The following IMMT variants were observed in gnomAD, a reference collection of about 807,000 sequenced individuals.
IMMT encodes inner membrane mitochondrial protein.
IMMT carries 40 observed loss-of-function variants against 92.7 expected under a neutral mutation model. That is an observed-to-expected ratio of 0.43 (90% CI 0.34 to 0.56). The LOEUF (loss-of-function observed/expected upper bound fraction) is 0.56. Ranked by LOEUF, IMMT falls within the 20% of genes least tolerant of loss-of-function variation. IMMT has a pLI of 0.03. For synonymous variants in IMMT, 322 were observed against 336.1 expected (o/e 0.96, Z 0.46); for missense variants, 831 against 912.1 (o/e 0.91, Z 1.14).
chr2:86,166,958 C>T (rs913005782), intron 6 of IMMT, among the ~76,000 whole-genome samples: 1 of 151,132 alleles, frequency 6.6e-6, no homozygotes, highest in African/African-American at 2.4e-5. Flanking sequence ...ATTAGCCAGG[C>T]ATGGTGGCGG....
chr2:86,154,593 C>T (rs895964074), intron 10 of IMMT, among the ~76,000 whole-genome samples: 1 of 152,204 alleles, frequency 6.6e-6, no homozygotes. Context: ...CCTCTCTTAA[C>T]ATTTCAGATA....
chr2:86,172,234 TG>T (rs1255013855), intron 4 of IMMT, among the ~76,000 whole-genome samples: 1 of 152,154 alleles, frequency 6.6e-6, no homozygotes, highest in East Asian at 1.9e-4. Flanking sequence ...CCTCCCAAAG[TG>T]CTGGGATTAC....
chr2:86,162,020 G>A lies in IMMT; in HGVS notation c.852C>T (p.Arg284=). ...WRTVEGALKE[R]RKAVDEAADA... is the part of the protein sequence containing the mutation. ...CGGCAGCTTCATCTACTGCCTTTCT[G>A]CGTTCCTTCAATGCACCCTCCACTG... Residue 284 remains arginine (R), a synonymous_variant, in exon 8 of 15, where the codon CGC becomes CGT. Transcript: ENST00000410111. The A allele has an allele frequency of 3.1e-6, 5 of 1,607,392 alleles. No homozygotes were observed. Among genetic ancestry groups the A allele is most frequent in the African/African-American group, 1.3e-5 (1 of 74,900 alleles).
chr2:86,166,474 A>C, intron 7 of IMMT, 34 bp downstream of exon 7: 3 of 1,574,634 alleles, frequency 1.9e-6, no homozygotes, highest in Non-Finnish European at 2.6e-6. Flanking sequence ...AAGTCATGAC[A>C]GCCAGAACAC....
Position 86,151,568 on chromosome 2 carries a change from A to G in IMMT, c.1178-48T>C, listed in dbSNP as rs773625863. ...ATATTAATGATGTCACTGAAATTAT[A>G]CCTCATTACAAGGTAATCTGCATCA... is the stretch of plus-strand genomic sequence containing the variant. On this transcript the variant is annotated intron_variant, in intron 11 of 14. Coordinates refer to ENST00000410111, the MANE Select transcript of IMMT (RefSeq NM_006839.3). 8.9e-6 allele frequency: 12 copies of G among 1,343,626 alleles called. No individual in the cohort carries two copies. In the African/African-American group the frequency reaches 1.7e-4, roughly 19 times the overall value. The allele number at this position is 1,343,626 out of a possible 1,614,324, so 83.2% of individuals were successfully genotyped here.
intron 8 of IMMT, 143 bp from the exon 9 acceptor site, chr2:86,159,814 G>T: frequency 1.8e-6 from 1 of 566,838 alleles, no homozygotes; most frequent in Non-Finnish European, 2.8e-6. Flanking sequence ...CAGCACTTTG[G>T]AGGCCAAGGC....
Position 86,159,364 on chromosome 2 carries a change from T to C in IMMT, c.1032+172A>G, listed in dbSNP as rs1297464193. 4.4e-6 allele frequency: 3 copies of C among 685,400 alleles called. No individual in the cohort carries two copies. In the Admixed American group the frequency reaches 6.1e-5, roughly 14 times the overall value. 42.5% of individuals were successfully genotyped at this position (685,400 alleles called of 1,614,324 possible). On this transcript the variant is annotated intron_variant, in intron 9 of 14. Coordinates refer to ENST00000410111, the MANE Select transcript of IMMT (RefSeq NM_006839.3). ...CCTGCCAAAGTGCTGGGATTACAGG[T>C]GTGAACCACCACACCCAGCCAAGGC...
At chr2:86,194,580 G>A (rs1418526572) in intron 1 of IMMT, among the ~76,000 whole-genome samples, 2 of 152,154 alleles carry the variant, frequency 1.3e-5, no homozygotes, top group Non-Finnish European at 2.9e-5. Context: ...TGAAAATCAT[G>A]AGCAGTGGAA....
At chr2:86,153,602 A>T (rs1573886716) in intron 10 of IMMT, 28 bp from the exon 11 acceptor site, 1 of 1,387,842 alleles carries the variant, frequency 7.2e-7, no homozygotes, top group Admixed American at 2.6e-5. Context: ...GAACAGTTTG[A>T]AAAAAAAGAA....
At chr2:86,164,246 G>A (rs1363136704) in intron 7 of IMMT, among the ~76,000 whole-genome samples, 4 of 151,078 alleles carry the variant, frequency 2.6e-5, no homozygotes, top group East Asian at 2.0e-4. Context: ...TAGTAGAAAC[G>A]GGGTTTCTCC....
At chr2:86,160,492 C>A (rs1676191047) in intron 8 of IMMT, among the ~76,000 whole-genome samples, 1 of 152,140 alleles carries the variant, frequency 6.6e-6, no homozygotes. Context: ...GGTCTACCCA[C>A]CATAAAACAC....
chr2:86,162,060 G>A lies in IMMT; in HGVS notation c.812C>T (p.Ser271Phe). The change falls in exon 8 of 15, where the codon TCT becomes TTT. Residue 271 changes from serine to phenylalanine, a missense_variant. Ser to Phe is a radical substitution (Grantham distance 155). Transcript: ENST00000410111. ...DNSEIAGEKKSAQWRTVEGAL... is the reference protein window; with the variant it reads ...DNSEIAGEKKFAQWRTVEGAL... ...ACCCTCCACTGTGCGCCACTGAGCA[G>A]ATTTCTTCTCGCCTGCAATCTAAAC... 6.3e-7 allele frequency: 1 copy of A among 1,594,430 alleles called. No individual in the cohort carries two copies. The highest frequency in any genetic ancestry group is 2.3e-5 in the East Asian group (1 of 44,102).
At chr2:86,162,338 G>GTT (rs1346343442) in intron 7 of IMMT, among the ~76,000 whole-genome samples, 1 of 113,696 alleles carries the variant, frequency 8.8e-6, no homozygotes, top group African/African-American at 3.4e-5. Context: ...TCTAAGGAGA[G>GTT]TTGTTTTTTT....
rs1235469464 is a variant in IMMT, at chr2:86,195,412, A to T, written c.-30T>A. On this transcript the variant is annotated 5_prime_UTR_variant, in exon 1 of 15. Transcript: ENST00000410111. ...GTCAAGCGGACGGCGCTGCTGGTGG[A>T]CTCGAGCTGCCGCGGCGGCGCGAGT... 1.3e-6 allele frequency: 2 copies of T among 1,543,910 alleles called. No individual in the cohort carries two copies. Among genetic ancestry groups the T allele is most frequent in the African/African-American group, 2.8e-5 (2 of 72,348 alleles).
At chr2:86,159,400 A>G (rs1196742703) in intron 9 of IMMT, 136 bp downstream of exon 9, 1 of 841,662 alleles carries the variant, frequency 1.2e-6, no homozygotes, top group Non-Finnish European at 1.9e-6. Flanking sequence ...AAATTTTTTA[A>G]AACAGTAACA....
chr2:86,177,792 C>G (rs1677536177), intron 3 of IMMT, among the ~76,000 whole-genome samples: 1 of 152,120 alleles, frequency 6.6e-6, no homozygotes, highest in Non-Finnish European at 1.5e-5. Flanking sequence ...CCATTCTGCA[C>G]TTGTTTTTAT....
chr2:86,146,142 T>C lies in IMMT; in HGVS notation c.1589A>G (p.Glu530Gly). 6.2e-7 allele frequency: 1 copy of C among 1,608,544 alleles called. No individual in the cohort carries two copies. Among genetic ancestry groups the C allele is most frequent in the Non-Finnish European group, 8.5e-7 (1 of 1,176,178 alleles). Residue 530 changes from glutamate (E) to glycine (G), a missense_variant, in exon 14 of 15, where the codon GAG becomes GGG. By Grantham distance (98) the Glu-to-Gly change is moderately conservative. Coordinates refer to ENST00000410111, the MANE Select transcript of IMMT (RefSeq NM_006839.3). ...ATCCAGAGTAAAGTTGTCAACTTGCTCTTGACTGAGACGACGAAATTGTAA... is the reference window on the plus strand; with the variant it reads ...ATCCAGAGTAAAGTTGTCAACTTGCCCTTGACTGAGACGACGAAATTGTAA... ...QELQFRRLSQ[E>G]QVDNFTLDIN...
At chr2:86,170,632 C>A in intron 6 of IMMT, 117 bp downstream of exon 6, 1 of 657,606 alleles carries the variant, frequency 1.5e-6, no homozygotes, top group South Asian at 2.0e-5. Context: ...AAAAAACAAC[C>A]GCAGCAACAA....
intron 1 of IMMT, among the ~76,000 whole-genome samples, chr2:86,185,177 A>C (rs533657860): frequency 6.6e-6 from 1 of 152,292 alleles, no homozygotes; most frequent in South Asian, 2.1e-4. Flanking sequence ...CTTAAAAAAA[A>C]AAAAACAAAA....
Sources: gnomAD v4.1 joint callset for allele counts (sites outside exome capture counted in the v4.1 genomes callset) on GRCh38, gnomAD v4.1.1 for gene constraint, MANE v1.5 for transcripts, NCBI Gene and HGNC (gene_info 2026-07-23, HGNC 2026-07-21) for gene names.